Variants in ZNF737 observed in about 807,000 individuals in gnomAD.
The protein encoded by ZNF737 is zinc finger protein 102 (Y3).
A neutral mutation model predicts 11.7 loss-of-function variants in ZNF737; 13 were observed. The ratio of observed to expected loss-of-function variants is 1.11; its 90% confidence interval spans 0.73 to 1.77. ZNF737 has a LOEUF of 1.77. ZNF737 is among the 40% of genes most tolerant of loss of function. The pLI is 0.00. For missense variants in ZNF737, 636 were observed against 638.0 expected (o/e 1.00, Z 0.03); for synonymous variants, 217 against 216.2 (o/e 1.00, Z -0.03).
chr19:20,549,926 T>C (rs1296748376), intron 3 of ZNF737, among the ~76,000 whole-genome samples: 1 of 101,240 alleles, frequency 9.9e-6, no homozygotes, highest in Non-Finnish European at 1.9e-5. Context: ...TGTGACTCCA[T>C]CTCAAAAAAA....
the ZNF737 span, among the ~76,000 whole-genome samples, chr19:20,530,343 G>T: frequency 1.4e-5 from 2 of 144,154 alleles, no homozygotes; most frequent in African/African-American, 5.2e-5. Flanking sequence ...GGACGGGGCA[G>T]CTGGCCGGGC....
chr19:20,535,928 GT>G (rs373019519), downstream of ZNF737: 1 of 266,362 alleles, frequency 3.8e-6, no homozygotes, highest in Admixed American at 6.5e-5. Context: ...CCCCTATAAG[GT>G]TTTTTGTCTG....
chr19:20,559,092 G>A (rs1555761822), intron 1 of ZNF737, among the ~76,000 whole-genome samples: 1 of 152,098 alleles, frequency 6.6e-6, no homozygotes, highest in African/African-American at 2.4e-5. Context: ...TGAAAACCTA[G>A]GAAATACCAT....
chr19:20,531,955 G>T (rs1220382895), downstream of ZNF737, among the ~76,000 whole-genome samples: 1 of 150,218 alleles, frequency 6.7e-6, no homozygotes, highest in Non-Finnish European at 1.5e-5. Context: ...AGATGCTGAT[G>T]TAGAATTACT....
At position 20,542,834 on chromosome 19, in the gene ZNF737, C is replaced by G. The variant is rs1217394932; in HGVS notation, c.*1758G>C. On this transcript the variant is annotated 3_prime_UTR_variant, in exon 4 of 4. Coordinates refer to ENST00000427401, the MANE Select transcript of ZNF737 (RefSeq NM_001159293.2). ...AGAAGCCACTGATCACATGCTTTCT[C>G]ACATGTGAATAGAAATAAAATAACA... 1 of 985,000 alleles carries G rather than the reference C, an allele frequency of 1.0e-6. No individual in the cohort carries two copies. Among genetic ancestry groups the G allele is most frequent in the Non-Finnish European group, 1.2e-6 (1 of 829,704 alleles). The allele number at this position is 985,000 out of a possible 1,614,324, so 61.0% of individuals were successfully genotyped here. A position where few individuals can be genotyped will look rare whatever the true frequency, so the allele number is the denominator to read the frequency against.
At chr19:20,534,478 T>TATC (rs1484753668), downstream of ZNF737, among the ~76,000 whole-genome samples, 7 of 149,662 alleles carry the variant, frequency 4.7e-5, 1 homozygote, top group African/African-American at 1.5e-4. Context: ...TCTATCTATC[T>TATC]ATCTATCTAT....
intron 1 of ZNF737, among the ~76,000 whole-genome samples, chr19:20,557,679 C>CCAT (rs1181224125): frequency 1.3e-5 from 2 of 149,912 alleles, no homozygotes; most frequent in Admixed American, 1.3e-4. Context: ...TGCAGTGGTG[C>CCAT]CATCTCTGCT....
chr19:20,538,451 C>G lies in ZNF737; in HGVS notation c.*6141G>C, dbSNP rs1184187293. 6.6e-6 allele frequency among the ~76,000 whole-genome samples: 1 copy of G among 152,210 alleles called. No individual in the cohort carries two copies. Among genetic ancestry groups the G allele is most frequent in the African/African-American group, 2.4e-5 (1 of 41,452 alleles). ...AATTGGGACATACAGAATGTGAGGT[C>G]CCATTCCAGCCAATGAAAACCAGAC... is the stretch of plus-strand genomic sequence containing the variant. On this transcript the variant is annotated 3_prime_UTR_variant, in exon 4 of 4. Transcript: ENST00000427401.
At chr19:20,535,528 GT>G (rs112343450), downstream of ZNF737, among the ~76,000 whole-genome samples, 74,568 of 139,812 alleles carry the variant, frequency 0.53, 19,523 homozygotes, top group East Asian at 0.74. Context: ...CAAAATCCTC[GT>G]TTTTTTTTTT....
chr19:20,565,567 G>A (rs1201005123), intron 1 of ZNF737, 71 bp downstream of exon 1: 1 of 1,612,482 alleles, frequency 6.2e-7, no homozygotes, highest in Non-Finnish European at 8.5e-7. Flanking sequence ...CCTGAGTCCC[G>A]CCACAGCCAC....
chr19:20,563,295 A>C (rs1356547159), intron 1 of ZNF737, among the ~76,000 whole-genome samples: 2 of 148,240 alleles, frequency 1.3e-5, no homozygotes, highest in Non-Finnish European at 3.0e-5. Flanking sequence ...TGTGCAGGGG[A>C]GGCTCCCCAG....
At position 20,538,874 on chromosome 19, in the gene ZNF737, T is replaced by A. The variant is rs1968084746; in HGVS notation, c.*5718A>T. The stretch of plus-strand genomic sequence containing the variant: ...TACCCATTAATTTTATACATTTGCT[T>A]TTTTGAAAAACAAATCTTTTGTTAA... On this transcript the variant is annotated 3_prime_UTR_variant, in exon 4 of 4. Transcript: ENST00000427401. 2.0e-6 allele frequency: 2 copies of A among 985,218 alleles called. No homozygotes were observed. Among genetic ancestry groups the A allele is most frequent in the Admixed American group, 1.2e-4 (2 of 16,262 alleles). The allele number at this position is 985,218 out of a possible 1,614,324, so 61.0% of individuals were successfully genotyped here.
In ZNF737 at chr19:20,538,399, C is replaced by T. The variant is rs1555754358; in HGVS notation, c.*6193G>A. Among the ~76,000 whole-genome samples, 1 of 152,096 alleles carries T rather than the reference C, an allele frequency of 6.6e-6. No individual in the cohort carries two copies. Among genetic ancestry groups the T allele is most frequent in the Admixed American group, 6.6e-5 (1 of 15,254 alleles). ...CCTTTGTTCTCCTCTGCCTTTGTCT[C>T]TTTTAAAAAGTTCTAAGTTGCTAAA... On this transcript the variant is annotated 3_prime_UTR_variant, in exon 4 of 4. Coordinates refer to ENST00000427401, the MANE Select transcript of ZNF737 (RefSeq NM_001159293.2).
chr19:20,541,093 G>A lies in ZNF737; in HGVS notation c.*3499C>T, dbSNP rs7256767. The A allele has an allele frequency of 0.41, 398,606 of 984,074 alleles. 81,005 individuals are homozygous for A. The highest frequency in any genetic ancestry group is 0.48 in the Admixed American group (7,733 of 16,256). 61.0% of individuals were successfully genotyped at this position (984,074 alleles called of 1,614,324 possible). ...AATAGGCAGACTCTGGGGAGAATCC[G>A]AATCACAGGCCAGAACATTTTATAT... On this transcript the variant is annotated 3_prime_UTR_variant, in exon 4 of 4. Transcript: ENST00000427401.
chr19:20,548,482 G>A (rs1351644056), intron 3 of ZNF737, among the ~76,000 whole-genome samples: 3 of 152,154 alleles, frequency 2.0e-5, no homozygotes, highest in African/African-American at 7.2e-5. Flanking sequence ...TGGAAGGTTT[G>A]TCTGTCAAAG....
chr19:20,554,090 G>T (rs1226702333), intron 1 of ZNF737, among the ~76,000 whole-genome samples: 6 of 152,184 alleles, frequency 3.9e-5, no homozygotes, highest in African/African-American at 1.4e-4. Flanking sequence ...GTATGAACAC[G>T]AACATGTACA....
chr19:20,555,675 G>A (rs1417097026), intron 1 of ZNF737, among the ~76,000 whole-genome samples: 8 of 152,186 alleles, frequency 5.3e-5, no homozygotes, highest in Non-Finnish European at 8.8e-5. Context: ...TTTGACTATC[G>A]TAAGAATTTT....
At chr19:20,537,549 A>AC (rs1968026930), downstream of ZNF737, among the ~76,000 whole-genome samples, 1 of 102,508 alleles carries the variant, frequency 9.8e-6, no homozygotes, top group Non-Finnish European at 1.8e-5. Flanking sequence ...ACAGAGTCTC[A>AC]TCTGTCGCCC....
At chr19:20,555,177 CTT>C (rs1968840586) in intron 1 of ZNF737, among the ~76,000 whole-genome samples, 1 of 102,252 alleles carries the variant, frequency 9.8e-6, no homozygotes, top group Non-Finnish European at 2.0e-5. Context: ...TAAGGAATTT[CTT>C]TTCTTTTCTT....
Sources: gnomAD v4.1 joint callset for allele counts (sites outside exome capture counted in the v4.1 genomes callset) on GRCh38, gnomAD v4.1.1 for gene constraint, MANE v1.5 for transcripts, NCBI Gene and HGNC (gene_info 2026-07-23, HGNC 2026-07-21) for gene names.